Variants in SRBD1 observed in about 807,000 individuals in gnomAD.
The protein encoded by SRBD1 is S1 RNA binding domain 1, also known as S1 RNA-binding domain-containing protein 1.
SRBD1 carries 88 observed loss-of-function variants against 115.3 expected under a neutral mutation model. The ratio of observed to expected loss-of-function variants is 0.76; its 90% CI spans 0.64 to 0.91. SRBD1 has a LOEUF of 0.91. SRBD1 is among the 40% of genes least tolerant of loss of function. The probability of loss-of-function intolerance (pLI) is 0.00; values close to 1 mark genes in which losing one functional copy is unlikely to be tolerated. For missense variants in SRBD1, 1,385 were observed against 1,177.4 expected (o/e 1.18, Z -2.58); for synonymous variants, 509 against 407.7 (o/e 1.25, Z -2.99).
rs182905219 is a variant in SRBD1 at position 45,562,527 on chromosome 2, C to T, written c.1409+126G>A. 1,169 of 691,992 alleles carry T rather than the reference C, an allele frequency of 1.7e-3. 3 individuals are homozygous for T. The highest frequency in any genetic ancestry group is 2.2e-3 in the Non-Finnish European group (997 of 457,428). The allele number at this position is 691,992 out of a possible 1,614,324, so 42.9% of individuals were successfully genotyped here. On this transcript the variant is annotated intron_variant, in intron 10 of 20. Transcript: ENST00000263736. Reference sequence around the variant, plus strand: ...GATTACAGGCGTGAGCCACCGCGCCCGGCCTGTCACTGGCTTTTTAAAAAT... The same window carrying T: ...GATTACAGGCGTGAGCCACCGCGCCTGGCCTGTCACTGGCTTTTTAAAAAT...
chr2:45,469,437 A>C (rs931182942), intron 16 of SRBD1, among the ~76,000 whole-genome samples: 1 of 152,200 alleles, frequency 6.6e-6, no homozygotes, highest in Non-Finnish European at 1.5e-5. Flanking sequence ...CAAAAGATAA[A>C]GGAAATTAGA....
chr2:45,413,840 G>A (rs1667678162), intron 18 of SRBD1, among the ~76,000 whole-genome samples: 2 of 152,070 alleles, frequency 1.3e-5, no homozygotes, highest in Non-Finnish European at 2.9e-5. Context: ...GCTGAGGCAG[G>A]AGAATCACTT....
intron 9 of SRBD1, among the ~76,000 whole-genome samples, chr2:45,564,250 A>G (rs548585849): frequency 1.3e-5 from 2 of 151,864 alleles, no homozygotes; most frequent in East Asian, 3.9e-4. Flanking sequence ...GTAGCCCTTC[A>G]TGATAAAAAA....
intron 16 of SRBD1, among the ~76,000 whole-genome samples, chr2:45,457,794 G>C (rs970943145): frequency 6.6e-6 from 1 of 151,864 alleles, no homozygotes; most frequent in African/African-American, 2.4e-5. Flanking sequence ...AATTTGACAC[G>C]TGCATTTAAA....
chr2:45,472,391 A>C (rs546765700), intron 16 of SRBD1, among the ~76,000 whole-genome samples: 1 of 152,372 alleles, frequency 6.6e-6, no homozygotes, highest in East Asian at 1.9e-4. Context: ...TCACAACTCC[A>C]TGACTATACT....
At chr2:45,575,393 G>C (rs1276771359) in intron 7 of SRBD1, among the ~76,000 whole-genome samples, 1 of 152,168 alleles carries the variant, frequency 6.6e-6, no homozygotes, top group Admixed American at 6.5e-5. Context: ...AGGTCTTTCT[G>C]ATATCAACTT....
intron 14 of SRBD1, among the ~76,000 whole-genome samples, chr2:45,539,395 C>T (rs1187542933): frequency 1.3e-5 from 2 of 152,070 alleles, no homozygotes; most frequent in African/African-American, 4.8e-5. Context: ...CCAGGATCCA[C>T]CTAAGATATA....
intron 10 of SRBD1, among the ~76,000 whole-genome samples, chr2:45,555,065 GCTC>G (rs1672430252): frequency 6.6e-6 from 1 of 150,876 alleles, no homozygotes; most frequent in Non-Finnish European, 1.5e-5. Flanking sequence ...CAAATTTCCA[GCTC>G]CTTTCCCTCC....
At chr2:45,495,923 GCCAT>G (rs1180984872) in intron 14 of SRBD1, among the ~76,000 whole-genome samples, 1 of 152,118 alleles carries the variant, frequency 6.6e-6, no homozygotes, top group African/African-American at 2.4e-5. Context: ...CAACCCACCT[GCCAT>G]CCCCACAAAG....
chr2:45,556,782 G>A (rs184382085), intron 10 of SRBD1, among the ~76,000 whole-genome samples: 1 of 152,124 alleles, frequency 6.6e-6, no homozygotes, highest in Non-Finnish European at 1.5e-5. Flanking sequence ...GTTCATGGTG[G>A]ATTTACTTAA....
intron 16 of SRBD1, among the ~76,000 whole-genome samples, chr2:45,442,203 T>C (rs542196784): frequency 1.3e-5 from 2 of 152,312 alleles, no homozygotes; most frequent in Admixed American, 1.3e-4. Context: ...AACTCATTTA[T>C]GGGATGTCAT....
At chr2:45,603,086 C>T (rs1674150723) in intron 2 of SRBD1, among the ~76,000 whole-genome samples, 1 of 152,064 alleles carries the variant, frequency 6.6e-6, no homozygotes, top group Admixed American at 6.5e-5. Context: ...ACTAGGGTTC[C>T]ACTCCTCATA....
intron 16 of SRBD1, among the ~76,000 whole-genome samples, chr2:45,444,922 C>T (rs1668776212): frequency 6.6e-6 from 1 of 152,096 alleles, no homozygotes; most frequent in Non-Finnish European, 1.5e-5. Context: ...AAGAATGATG[C>T]AAAATTTCTT....
intron 16 of SRBD1, among the ~76,000 whole-genome samples, chr2:45,426,354 G>A (rs1404848408): frequency 6.6e-6 from 1 of 152,232 alleles, no homozygotes; most frequent in African/African-American, 2.4e-5. Context: ...GCCCAGTCAG[G>A]GGCTTATAGA....
intron 16 of SRBD1, among the ~76,000 whole-genome samples, chr2:45,473,123 T>C (rs911916231): frequency 1.3e-5 from 2 of 152,082 alleles, no homozygotes; most frequent in Non-Finnish European, 1.5e-5. Flanking sequence ...CTATACTTTC[T>C]TATTTTCTTT....
rs923790745 is a variant in SRBD1, at chr2:45,604,125, C to A, written c.80+1237G>T. On this transcript the variant is annotated intron_variant, in intron 2 of 20. Coordinates refer to ENST00000263736, the MANE Select transcript of SRBD1 (RefSeq NM_018079.5). The stretch of plus-strand genomic sequence containing the variant: ...TCACATCTAGAATCCTATGCTTCTA[C>A]AATAATCTCCTTAACTCATTTCCCC... Among the ~76,000 whole-genome samples, 6 of 152,024 alleles carry A rather than the reference C, an allele frequency of 3.9e-5. No individual in the cohort carries two copies. The South Asian group carries it at 1.2e-3, about 32-fold the overall frequency.
intron 15 of SRBD1, among the ~76,000 whole-genome samples, chr2:45,480,996 T>G (rs1669946523): frequency 6.6e-6 from 1 of 152,140 alleles, no homozygotes; most frequent in Non-Finnish European, 1.5e-5. Context: ...CCACCACATC[T>G]CAGCCTTTAG....
chr2:45,418,629 A>G (rs1270200654), intron 17 of SRBD1, 88 bp from the exon 18 acceptor site: 2 of 1,183,412 alleles, frequency 1.7e-6, no homozygotes, highest in Non-Finnish European at 2.3e-6. Flanking sequence ...AACGACTGCA[A>G]TGACATATCC....
chr2:45,604,211 T>C (rs937105653), intron 2 of SRBD1, among the ~76,000 whole-genome samples: 8 of 152,108 alleles, frequency 5.3e-5, no homozygotes, highest in African/African-American at 1.9e-4. Context: ...ATTTTACAAA[T>C]ATAAACCCAG....
Sources: allele counts gnomAD v4.1 joint callset (sites outside exome capture counted in the v4.1 genomes callset), GRCh38; gene constraint gnomAD v4.1.1; transcripts MANE v1.5; gene names NCBI Gene and HGNC (gene_info 2026-07-23, HGNC 2026-07-21).